Variants in SIPA1L3 observed in about 807,000 individuals in gnomAD.
SIPA1L3 encodes signal-induced proliferation-associated 1-like protein 3.
SIPA1L3 carries 59 observed loss-of-function variants against 150.1 expected under a neutral mutation model. That is an observed-to-expected ratio of 0.39 (90% CI 0.32 to 0.49). The LOEUF (loss-of-function observed/expected upper bound fraction) is 0.49. Among genes scored for constraint, SIPA1L3 ranks in the 20% least tolerant of loss-of-function variants. The pLI is 0.86. For missense variants in SIPA1L3, 2,211 were observed against 2,489.5 expected (o/e 0.89, Z 2.38); for synonymous variants, 1,070 against 1,077.6 (o/e 0.99, Z 0.14).
At position 37,984,069 on chromosome 19, in the gene SIPA1L3, C is replaced by T. The variant is rs369252510; in HGVS notation, c.-378-45020C>T. ...GAGAAGTTGGGAGAAAGACCCAGCCCGGCTGAATCTCCTGAGAACAATGAG... is the reference window on the plus strand; with the variant it reads ...GAGAAGTTGGGAGAAAGACCCAGCCTGGCTGAATCTCCTGAGAACAATGAG... On this transcript the variant is annotated intron_variant, in intron 1 of 21. Coordinates refer to ENST00000222345, the MANE Select transcript of SIPA1L3 (RefSeq NM_015073.3). 1.6e-4 allele frequency among the ~76,000 whole-genome samples: 25 copies of T among 152,196 alleles called. No individual in the cohort carries two copies. The South Asian group carries it at 4.2e-3, about 25-fold the overall frequency.
chr19:38,067,217 C>T (rs371064465), intron 2 of SIPA1L3, among the ~76,000 whole-genome samples: 10 of 151,868 alleles, frequency 6.6e-5, no homozygotes, highest in Admixed American at 2.6e-4. Context: ...CCAGACCAGG[C>T]GACAGAGTAA....
Position 37,944,567 on chromosome 19 carries a change from G to A in SIPA1L3, c.-379+37209G>A, listed in dbSNP as rs950149319. Reference sequence around the variant, plus strand: ...GCTTTTAAGGATTTACCCTGTTAATGTATTAATATGTAAAAGAATAGTGCC... The same window carrying A: ...GCTTTTAAGGATTTACCCTGTTAATATATTAATATGTAAAAGAATAGTGCC... On this transcript the variant is annotated intron_variant, in intron 1 of 21. Transcript: ENST00000222345. Among the ~76,000 whole-genome samples, 5 of 152,176 alleles carry A rather than the reference G, an allele frequency of 3.3e-5. No homozygotes were observed. The South Asian group carries it at 8.3e-4, about 25-fold the overall frequency.
chr19:37,946,394 A>G (rs1230649350), intron 1 of SIPA1L3, among the ~76,000 whole-genome samples: 1 of 152,048 alleles, frequency 6.6e-6, no homozygotes, highest in East Asian at 1.9e-4. Flanking sequence ...CGGCCTCCCA[A>G]AGTGTTCGGA....
At chr19:38,001,723 TG>T (rs1967811921) in intron 1 of SIPA1L3, among the ~76,000 whole-genome samples, 1 of 152,262 alleles carries the variant, frequency 6.6e-6, no homozygotes, top group Non-Finnish European at 1.5e-5. Context: ...CCACCGTGCC[TG>T]GCCCTGCAGT....
At position 37,970,031 on chromosome 19, in the gene SIPA1L3, A is replaced by G. The variant is rs138605694; in HGVS notation, c.-378-59058A>G. On this transcript the variant is annotated intron_variant, in intron 1 of 21. Coordinates refer to ENST00000222345, the MANE Select transcript of SIPA1L3 (RefSeq NM_015073.3). Reference sequence around the variant, plus strand: ...TTGCTTTGCATTGCATCCCCAGTACATACTAGGTGTGCAAAACAAAACAAA... The same window carrying G: ...TTGCTTTGCATTGCATCCCCAGTACGTACTAGGTGTGCAAAACAAAACAAA... Among the ~76,000 whole-genome samples, 5 of 152,312 alleles carry G rather than the reference A, an allele frequency of 3.3e-5. No individual in the cohort carries two copies. In the East Asian group the frequency reaches 9.6e-4, roughly 29 times the overall value.
intron 1 of SIPA1L3, among the ~76,000 whole-genome samples, chr19:38,027,114 A>G (rs982841632): frequency 1.3e-5 from 2 of 152,176 alleles, no homozygotes; most frequent in African/African-American, 4.8e-5. Context: ...CAACGTGACG[A>G]AACCCCATCT....
At chr19:38,013,413 A>G (rs1344345017) in intron 1 of SIPA1L3, among the ~76,000 whole-genome samples, 2 of 152,184 alleles carry the variant, frequency 1.3e-5, no homozygotes, top group Non-Finnish European at 2.9e-5. Flanking sequence ...CTGAAAAAAA[A>G]AAGTTTTATG....
intron 2 of SIPA1L3, among the ~76,000 whole-genome samples, chr19:38,056,071 C>T (rs964028339): frequency 6.6e-6 from 1 of 152,234 alleles, no homozygotes; most frequent in Non-Finnish European, 1.5e-5. Flanking sequence ...GGCTGCGGCT[C>T]TGCGGCCAGC....
intron 19 of SIPA1L3, among the ~76,000 whole-genome samples, chr19:38,201,338 G>A (rs566522754): frequency 3.2e-4 from 48 of 152,230 alleles, no homozygotes; most frequent in Admixed American, 5.9e-4. Context: ...ACTTTCACTG[G>A]CAGCCCCGTG....
At chr19:37,953,940 C>T (rs2046786406) in intron 1 of SIPA1L3, among the ~76,000 whole-genome samples, 1 of 152,080 alleles carries the variant, frequency 6.6e-6, no homozygotes, top group South Asian at 2.1e-4. Context: ...TTTGATAAGC[C>T]CCTGTATACC....
chr19:38,018,416 G>A (rs886683596), intron 1 of SIPA1L3, among the ~76,000 whole-genome samples: 1 of 151,970 alleles, frequency 6.6e-6, no homozygotes, highest in Non-Finnish European at 1.5e-5. Flanking sequence ...TGCCCGCCTC[G>A]GCTAGGATTA....
In SIPA1L3 at chr19:38,049,181, C is replaced by T. The variant is rs1969129829; in HGVS notation, c.-311+20025C>T. ...AAAAAATGGGTGTCTCCTCCCTTGT[C>T]ACTGGGAAGGTTTTTGTTTCTCTTT... is the stretch of plus-strand genomic sequence containing the variant. On this transcript the variant is annotated intron_variant, in intron 2 of 21. Transcript: ENST00000222345. Among the ~76,000 whole-genome samples, 8 of 152,272 alleles carry T rather than the reference C, an allele frequency of 5.3e-5. No homozygotes were observed. The South Asian group carries it at 1.7e-3, about 32-fold the overall frequency.
At chr19:38,088,128 G>A (rs1970178157) in intron 3 of SIPA1L3, among the ~76,000 whole-genome samples, 1 of 152,250 alleles carries the variant, frequency 6.6e-6, no homozygotes, top group Non-Finnish European at 1.5e-5. Context: ...ACTGGGGATG[G>A]TCATTGCCAA....
chr19:38,123,172 A>G (rs1008687406), intron 9 of SIPA1L3, among the ~76,000 whole-genome samples: 5 of 151,822 alleles, frequency 3.3e-5, no homozygotes, highest in African/African-American at 1.2e-4. Context: ...AAGCCTGATG[A>G]GGTCCTCACT....
At chr19:38,143,386 T>C (rs1971635717) in intron 12 of SIPA1L3, among the ~76,000 whole-genome samples, 1 of 151,914 alleles carries the variant, frequency 6.6e-6, no homozygotes, top group South Asian at 2.1e-4. Context: ...TCCTCCTCCT[T>C]GCAGTGGTCC....
At chr19:37,927,521 C>CGTGTGT (rs144453861) in intron 1 of SIPA1L3, among the ~76,000 whole-genome samples, 1,544 of 136,778 alleles carry the variant, frequency 0.011, 12 homozygotes, top group African/African-American at 0.027. Context: ...GTCTGTTGTT[C>CGTGTGT]GTGTGTGTGT....
At chr19:37,913,915 T>C (rs2046395523) in intron 1 of SIPA1L3, among the ~76,000 whole-genome samples, 1 of 149,884 alleles carries the variant, frequency 6.7e-6, no homozygotes, top group South Asian at 2.1e-4. Context: ...CTCGGGAGGC[T>C]GAGGCAGGAG....
At chr19:38,040,323 CTG>C (rs1968888395) in intron 2 of SIPA1L3, among the ~76,000 whole-genome samples, 1 of 151,898 alleles carries the variant, frequency 6.6e-6, no homozygotes, top group South Asian at 2.1e-4. Context: ...TCACTGGAAA[CTG>C]TATCCCAACA....
chr19:38,068,181 C>G (rs1363974411), intron 2 of SIPA1L3, among the ~76,000 whole-genome samples: 1 of 152,056 alleles, frequency 6.6e-6, no homozygotes, highest in African/African-American at 2.4e-5. Flanking sequence ...CGCCACCATG[C>G]CCGGCTGATT....
Sources: gnomAD v4.1 joint callset for allele counts (sites outside exome capture counted in the v4.1 genomes callset) on GRCh38, gnomAD v4.1.1 for gene constraint, MANE v1.5 for transcripts, NCBI Gene and HGNC (gene_info 2026-07-23, HGNC 2026-07-21) for gene names.